Variants in PSG2 observed in about 807,000 individuals in gnomAD.
PSG2 encodes pregnancy specific beta-1-glycoprotein 2.
A neutral mutation model predicts 36.2 loss-of-function variants in PSG2; 49 were observed. That is an observed-to-expected ratio of 1.35 (90% CI 1.08 to 1.72). The LOEUF (loss-of-function observed/expected upper bound fraction) is 1.72, where lower values mean the gene tolerates loss of function less well. Ranked by LOEUF, PSG2 falls within the 40% of genes most tolerant of loss-of-function variation. The pLI is 0.00. For synonymous variants in PSG2, 261 were observed against 155.6 expected, an observed-to-expected ratio of 1.68 and a Z score of -5.04; for missense variants, 605 against 407.2, an observed-to-expected ratio of 1.49 and a Z score of -4.18.
At chr19:43,081,297 G>A in intron 1 of PSG2, 51 bp from the exon 2 acceptor site, 2 of 1,572,428 alleles carry the variant, frequency 1.3e-6, no homozygotes, top group East Asian at 2.2e-5. Flanking sequence ...GTATTGGGGT[G>A]AAAAGATGGG....
intron 4 of PSG2, among the ~76,000 whole-genome samples, chr19:43,067,386 T>G (rs1184641947): frequency 6.6e-6 from 1 of 151,318 alleles, no homozygotes; most frequent in Non-Finnish European, 1.5e-5. Flanking sequence ...TTAGCTTTTT[T>G]TCTTTCTCTC....
chr19:43,081,045 A>T lies in PSG2; in HGVS notation c.266T>A (p.Ile89Asn). Residue 89 changes from isoleucine to asparagine, a missense_variant, in exon 2 of 6, where the codon ATT becomes AAT. Physicochemically the swap from Ile to Asn is moderately radical, Grantham distance 149 (BLOSUM62 -3). Transcript: ENST00000406487. ...TCCACTATATGCAGGCCCATATATA[A>T]TTATTTGACCGTCTACTACATATGA... ...ITSYVVDGQI[I>N]IYGPAYSGRE... 1 of 1,612,896 alleles carries T rather than the reference A, an allele frequency of 6.2e-7. No homozygotes were observed. Among genetic ancestry groups the T allele is most frequent in the Non-Finnish European group, 8.5e-7 (1 of 1,179,648 alleles).
At chr19:43,072,205 G>A in intron 3 of PSG2, 5 of 1,429,412 alleles carry the variant, frequency 3.5e-6, no homozygotes, top group Non-Finnish European at 3.8e-6. Flanking sequence ...TGCCTACCCA[G>A]GTTTTCCCAG....
chr19:43,064,756 A>G (rs1366865818), intron 5 of PSG2, among the ~76,000 whole-genome samples, 155 bp from the exon 6 acceptor site: 6 of 151,842 alleles, frequency 4.0e-5, no homozygotes, highest in African/African-American at 1.5e-4. Flanking sequence ...ATAGAAATCT[A>G]GTTACTTCTG....
At chr19:43,070,844 A>T (rs1967804644) in intron 4 of PSG2, among the ~76,000 whole-genome samples, 1 of 151,588 alleles carries the variant, frequency 6.6e-6, no homozygotes, top group East Asian at 1.9e-4. Context: ...GATATATATA[A>T]AGTGTCTGGT....
intron 2 of PSG2, among the ~76,000 whole-genome samples, chr19:43,079,534 A>G (rs10418799): frequency 0.046 from 6,950 of 151,434 alleles, 707 homozygotes; most frequent in African/African-American, 0.16. Context: ...TGTGTCTCTC[A>G]CTGGGCCTGT....
Position 43,065,134 on chromosome 19 carries a change from C to G in PSG2, c.*41-533G>C, listed in dbSNP as rs1336892579. Among the ~76,000 whole-genome samples the G allele has an allele frequency of 1.3e-5, 2 of 151,710 alleles. 1 individual carries two copies. Among genetic ancestry groups the G allele is most frequent in the African/African-American group, 4.9e-5 (2 of 41,110 alleles). On this transcript the variant is annotated intron_variant, in intron 5 of 5. Transcript: ENST00000406487. ...GCAGGCGTGAGCCATCGCGCTCAGC[C>G]TAGAATACTCATATTATTAACATTC...
At chr19:43,072,256 T>A in intron 3 of PSG2, 1 of 1,547,684 alleles carries the variant, frequency 6.5e-7, no homozygotes, top group Non-Finnish European at 8.8e-7. Flanking sequence ...AGAAGTAAAG[T>A]TGTCTATACT....
In PSG2 at chr19:43,081,350, GACACACACACACAC is replaced by G. The variant is rs56971156; in HGVS notation, c.65-118_65-105del. 1,872 of 857,046 alleles carry G rather than the reference GACACACACACACAC, an allele frequency of 2.2e-3. 7 individuals are homozygous for G. Among genetic ancestry groups the G allele is most frequent in the Middle Eastern group, 5.2e-3 (14 of 2,712 alleles). The allele number at this position is 857,046 out of a possible 1,614,324, so 53.1% of individuals were successfully genotyped here. On this transcript the variant is annotated intron_variant, in intron 1 of 5. Coordinates refer to ENST00000406487, the MANE Select transcript of PSG2 (RefSeq NM_031246.4). ...GGTCTCTTCAATCCTCAGCCTTGAA[GACACACACACACAC>G]ACACACACACACACACACACACACA... is the stretch of plus-strand genomic sequence containing the variant.
chr19:43,080,275 C>T (rs1967952760), intron 2 of PSG2, among the ~76,000 whole-genome samples: 1 of 151,736 alleles, frequency 6.6e-6, no homozygotes, highest in African/African-American at 2.4e-5. Flanking sequence ...GTCCTCTCCA[C>T]TCTGCCTCTC....
At position 43,081,362 on chromosome 19, in the gene PSG2, C is replaced by T. The variant is rs1316060596; in HGVS notation, c.65-116G>A. 855 of 1,116,584 alleles carry T rather than the reference C, an allele frequency of 7.7e-4. 22 individuals are homozygous for T. The African/African-American group carries it at 0.014, about 18-fold the overall frequency. The allele number at this position is 1,116,584 out of a possible 1,614,324, so 69.2% of individuals were successfully genotyped here. On this transcript the variant is annotated intron_variant, in intron 1 of 5. Coordinates refer to ENST00000406487, the MANE Select transcript of PSG2 (RefSeq NM_031246.4). ...CCTCAGCCTTGAAGACACACACACA[C>T]ACACACACACACACACACACACACA...
intron 3 of PSG2, chr19:43,072,549 G>A: frequency 6.2e-7 from 1 of 1,611,226 alleles, no homozygotes. Flanking sequence ...TCACTCTTAG[G>A]TTCACAGGTG....
intron 3 of PSG2, chr19:43,072,398 T>A (rs1967832547): frequency 5.0e-6 from 8 of 1,612,442 alleles, no homozygotes; most frequent in Non-Finnish European, 5.9e-6. Context: ...ACCATATCGG[T>A]CCCGTATTTC....
chr19:43,072,526 G>A (rs1410419412), intron 3 of PSG2: 44 of 1,611,140 alleles, frequency 2.7e-5, no homozygotes, highest in Middle Eastern at 2.2e-4. Context: ...GCCACCAAAT[G>A]TAGGTGTAGC....
intron 2 of PSG2, among the ~76,000 whole-genome samples, chr19:43,078,571 C>A (rs1196894430): frequency 1.3e-5 from 2 of 151,596 alleles, no homozygotes; most frequent in East Asian, 1.9e-4. Flanking sequence ...CGGATTCCAG[C>A]ACAAACTGAT....
At chr19:43,067,488 G>A (rs1324632171) in intron 4 of PSG2, among the ~76,000 whole-genome samples, 2 of 151,024 alleles carry the variant, frequency 1.3e-5, no homozygotes, top group Non-Finnish European at 2.9e-5. Context: ...ACTGTTGAGG[G>A]GCACTTGCTA....
chr19:43,075,385 G>A lies in PSG2; in HGVS notation c.678C>T (p.Ser226=), dbSNP rs747133504. The change falls in exon 3 of 6, where the codon AGC becomes AGT. Residue 226 remains serine (S), a synonymous_variant. Transcript: ENST00000406487. ...GATTCAGGGTGACTGGGTCACTGCG[G>A]CTGGCACTCCCTGAGTTCCGTATTT... ...ECEIRNSGSA[S]RSDPVTLNLL... is the part of the protein sequence containing the mutation. 5 of 1,613,070 alleles carry A rather than the reference G, an allele frequency of 3.1e-6. No individual in the cohort carries two copies. Among genetic ancestry groups the A allele is most frequent in the South Asian group, 1.1e-5 (1 of 91,052 alleles).
chr19:43,076,761 T>C (rs1337582665), intron 2 of PSG2, among the ~76,000 whole-genome samples: 1 of 151,654 alleles, frequency 6.6e-6, no homozygotes, highest in Non-Finnish European at 1.5e-5. Context: ...GCCTCGTGCC[T>C]ATAGTTCATT....
At chr19:43,068,824 C>G (rs1967777907) in intron 4 of PSG2, among the ~76,000 whole-genome samples, 1 of 151,560 alleles carries the variant, frequency 6.6e-6, no homozygotes, top group Non-Finnish European at 1.5e-5. Context: ...AGGATGCCCA[C>G]TTTTGACACT....
Sources: gnomAD v4.1 joint callset for allele counts (sites outside exome capture counted in the v4.1 genomes callset) on GRCh38, gnomAD v4.1.1 for gene constraint, MANE v1.5 for transcripts, NCBI Gene and HGNC (gene_info 2026-07-23, HGNC 2026-07-21) for gene names.